The following WNK2 variants were observed in gnomAD, a reference collection of about 807,000 sequenced individuals.
WNK2 encodes serine/threonine-protein kinase WNK2.
Under a neutral mutation model 192.1 loss-of-function variants are expected in WNK2, and 67 were observed. That is an observed-to-expected ratio of 0.35 (90% CI 0.29 to 0.43). The LOEUF (loss-of-function observed/expected upper bound fraction) is 0.43, where lower values mean the gene tolerates loss of function less well. Among genes scored for constraint, WNK2 ranks in the 20% least tolerant of loss-of-function variants. WNK2 has a pLI of 1.00. For synonymous variants in WNK2, 1,439 were observed against 1,393.9 expected, an observed-to-expected ratio of 1.03 and a Z score of -0.72; for missense variants, 2,698 against 3,089.7, an observed-to-expected ratio of 0.87 and a Z score of 3.01.
At chr9:93,295,066 T>A (rs1170485915) in intron 23 of WNK2, among the ~76,000 whole-genome samples, 1 of 152,130 alleles carries the variant, frequency 6.6e-6, no homozygotes, top group Non-Finnish European at 1.5e-5. Flanking sequence ...TTCCTAGGGC[T>A]CCAGGAGCCC....
chr9:93,279,779 A>G (rs7023262), intron 19 of WNK2, among the ~76,000 whole-genome samples: 114,381 of 152,092 alleles, frequency 0.75, 44,678 homozygotes, highest in East Asian at 1. Context: ...GGTTTTTGAT[A>G]AACATTTAAA....
intron 19 of WNK2, among the ~76,000 whole-genome samples, chr9:93,269,884 C>A (rs181795660): frequency 6.6e-5 from 10 of 152,112 alleles, no homozygotes; most frequent in African/African-American, 2.4e-4. Flanking sequence ...TTTAGATAAA[C>A]CATCCACTGA....
intron 2 of WNK2, among the ~76,000 whole-genome samples, chr9:93,216,438 G>A (rs1284162435): frequency 6.6e-6 from 1 of 152,076 alleles, no homozygotes; most frequent in African/African-American, 2.4e-5. Context: ...TTGAGCCCAG[G>A]AGTTTGAGAC....
intron 2 of WNK2, among the ~76,000 whole-genome samples, chr9:93,186,629 G>A (rs375711778): frequency 6.6e-6 from 1 of 152,194 alleles, no homozygotes; most frequent in African/African-American, 2.4e-5. Flanking sequence ...TTCTGGGGCC[G>A]CTGGCCACAC....
rs1334801526 is a variant in WNK2, at chr9:93,263,670, G to A, written c.3515G>A (p.Arg1172His). ...GGCAGGGCAGCCCGAAAACACCACC[G>A]CAGGTCCACGCGTGCGCGCTCCCGG... ...LEGRAARKHH[R>H]RSTRARSRQE... Residue 1172 changes from arginine (R) to histidine (H), a missense_variant, in exon 15 of 30, where the codon CGC becomes CAC. Arg to His is a conservative substitution (Grantham distance 29). Transcript: ENST00000427277. 12 of 1,587,404 alleles carry A rather than the reference G, an allele frequency of 7.6e-6. No homozygotes were observed. The highest frequency in any genetic ancestry group is 4.5e-5 in the East Asian group (2 of 44,052).
Position 93,239,129 on chromosome 9 carries a change from G to A in WNK2, c.1323-628G>A, listed in dbSNP as rs1231706150. 1.3e-5 allele frequency among the ~76,000 whole-genome samples: 2 copies of A among 152,226 alleles called. No individual in the cohort carries two copies. The highest frequency in any genetic ancestry group is 2.9e-5 in the Non-Finnish European group (2 of 68,030). On this transcript the variant is annotated intron_variant, in intron 6 of 29. Transcript: ENST00000427277. This position sits in a 1 kb window ranked among gnomAD's most constrained non-coding sequence, Gnocchi z 4.2. ...TGGCCAAGCCCTGCAGAGCCCCGAA[G>A]TGGTCACCATGGCAACACCCTGTGG...
At position 93,239,416 on chromosome 9, in the gene WNK2, C is replaced by T. The variant is rs1840368243; in HGVS notation, c.1323-341C>T. On this transcript the variant is annotated intron_variant, in intron 6 of 29. Transcript: ENST00000427277. The surrounding 1 kb of genome is among the most constrained non-coding windows in gnomAD (Gnocchi z 4.2). ...CACTAAAATGTTTCAGTTGTGTCTT[C>T]TGACAATTGAAAGCTGGCTAGCACA... 6.6e-6 allele frequency among the ~76,000 whole-genome samples: 1 copy of T among 152,234 alleles called. No individual in the cohort carries two copies. Among genetic ancestry groups the T allele is most frequent in the South Asian group, 2.1e-4 (1 of 4,834 alleles).
chr9:93,286,055 G>A (rs1322142663), intron 19 of WNK2, among the ~76,000 whole-genome samples: 7 of 152,170 alleles, frequency 4.6e-5, no homozygotes, highest in African/African-American at 7.2e-5. Flanking sequence ...AGGGAAAACA[G>A]TAAAGTTCCT....
Position 93,289,436 on chromosome 9 carries a change from AC to A in WNK2, c.4684del (p.Gln1562ArgfsTer27), listed in dbSNP as rs1848969693. On this transcript the variant is annotated frameshift_variant, in exon 20 of 30. Transcript: ENST00000427277. LOFTEE classifies it high-confidence loss of function. Reference sequence around the variant, plus strand: ...GACGAGAAGCTGCGGACTCTGCTCTACCAGGAGCACGTGCCCACCTCCTCAG... The same window carrying A: ...GACGAGAAGCTGCGGACTCTGCTCTACAGGAGCACGTGCCCACCTCCTCAG... ...SLDEKLRTLL[Y>X]QEHVPTSSAS... is the part of the protein sequence containing the mutation. 1 of 1,612,772 alleles carries A rather than the reference AC, an allele frequency of 6.2e-7. No individual in the cohort carries two copies. Among genetic ancestry groups the A allele is most frequent in the Admixed American group, 1.7e-5 (1 of 60,000 alleles).
intron 20 of WNK2, 65 bp downstream of exon 20, chr9:93,289,685 C>T (rs931540242): frequency 1.7e-5 from 24 of 1,398,974 alleles, no homozygotes; most frequent in African/African-American, 1.2e-4. Context: ...GGCGCAGGCC[C>T]GGGGGTGGGC....
In WNK2 at chr9:93,229,953, G is replaced by A. The variant is rs1838459985; in HGVS notation, c.854+85G>A. On this transcript the variant is annotated intron_variant, in intron 3 of 29. Transcript: ENST00000427277. The surrounding 1 kb of genome is among the most constrained non-coding windows in gnomAD (Gnocchi z 4.9). ...CTGAGGGTGAGGTCTTGGGCTGCTG[G>A]GGTGGTCCTGGCTGGTGCCTGTGGG... is the stretch of plus-strand genomic sequence containing the variant. The A allele has an allele frequency of 2.0e-6, 3 of 1,509,846 alleles. No individual in the cohort carries two copies. Among genetic ancestry groups the A allele is most frequent in the African/African-American group, 1.4e-5 (1 of 72,870 alleles). 93.5% of individuals were successfully genotyped at this position (1,509,846 alleles called of 1,614,324 possible).
Position 93,271,672 on chromosome 9 carries a change from G to A in WNK2, c.4033+2926G>A, listed in dbSNP as rs185146578. 9.1e-4 allele frequency among the ~76,000 whole-genome samples: 138 copies of A among 152,282 alleles called. 1 individual carries two copies. Among genetic ancestry groups the A allele is most frequent in the African/African-American group, 2.8e-3 (115 of 41,558 alleles). On this transcript the variant is annotated intron_variant, in intron 19 of 29. Coordinates refer to ENST00000427277, the MANE Select transcript of WNK2 (RefSeq NM_006648.4). ...AATAAACAGAGCTTCAGGGAACTGCGGAACAATAACTAAAGGGCTAACTTG... is the reference window on the plus strand; with the variant it reads ...AATAAACAGAGCTTCAGGGAACTGCAGAACAATAACTAAAGGGCTAACTTG...
At chr9:93,248,119 C>T (rs943741494) in intron 8 of WNK2, among the ~76,000 whole-genome samples, 2 of 152,336 alleles carry the variant, frequency 1.3e-5, no homozygotes, top group South Asian at 2.1e-4. Context: ...CAGGGCATGT[C>T]GGGAACTTCA....
chr9:93,244,136 G>A (rs558126733), intron 7 of WNK2, among the ~76,000 whole-genome samples: 1 of 152,370 alleles, frequency 6.6e-6, no homozygotes, highest in East Asian at 1.9e-4. Context: ...TTAGGTCTTA[G>A]AGGTGTTCTG....
Position 93,294,368 on chromosome 9 carries a change from C to T in WNK2, c.5708+1195C>T, listed in dbSNP as rs1374480949. 4.6e-5 allele frequency among the ~76,000 whole-genome samples: 7 copies of T among 152,334 alleles called. No homozygotes were observed. The East Asian group carries it at 5.8e-4, about 13-fold the overall frequency. On this transcript the variant is annotated intron_variant, in intron 23 of 29. Transcript: ENST00000427277. Reference sequence around the variant, plus strand: ...TGGAATCACTGCTGGTCTTAGAGGCCTCCAGGAAGGTGGCCCCCATTGGCC... The same window carrying T: ...TGGAATCACTGCTGGTCTTAGAGGCTTCCAGGAAGGTGGCCCCCATTGGCC...
chr9:93,253,148 C>A, intron 9 of WNK2, 66 bp downstream of exon 9: 1 of 1,296,402 alleles, frequency 7.7e-7, no homozygotes, highest in Non-Finnish European at 9.9e-7. Context: ...GCCCTGAGGG[C>A]TCTAAATTCT....
intron 5 of WNK2, among the ~76,000 whole-genome samples, chr9:93,236,768 T>G (rs1465711004): frequency 1.3e-5 from 2 of 152,158 alleles, no homozygotes; most frequent in Non-Finnish European, 2.9e-5. Context: ...TGACCACAAA[T>G]AGTGCTCCTG....
rs1257954388 is a variant in WNK2, at chr9:93,298,077, C to T, written c.5923+10C>T. On this transcript the variant is annotated intron_variant, in intron 24 of 29. Coordinates refer to ENST00000427277, the MANE Select transcript of WNK2 (RefSeq NM_006648.4). The stretch of plus-strand genomic sequence containing the variant: ...GTGGCCTCCAGCACAGGTCGGCCTC[C>T]GGGTGCAGGGCTGGGATGGGAGCGG... The T allele has an allele frequency of 4.5e-6, 7 of 1,548,500 alleles. No homozygotes were observed. The highest frequency in any genetic ancestry group is 2.4e-5 in the East Asian group (1 of 40,914).
intron 2 of WNK2, among the ~76,000 whole-genome samples, chr9:93,191,044 G>A (rs1396226382): frequency 6.6e-6 from 1 of 152,166 alleles, no homozygotes; most frequent in East Asian, 1.9e-4. Context: ...ACGGAGGACT[G>A]GATTGGATTG....
Sources: allele counts gnomAD v4.1 joint callset (sites outside exome capture counted in the v4.1 genomes callset), GRCh38; gene constraint gnomAD v4.1.1; non-coding constraint Gnocchi (gnomAD v3.1); transcripts MANE v1.5; gene names NCBI Gene and HGNC (gene_info 2026-07-23, HGNC 2026-07-21).